The following CLMN variants were observed in gnomAD, a reference collection of about 807,000 sequenced individuals.
CLMN encodes the protein calmin (calponin-like, transmembrane).
Under a neutral mutation model 92.7 loss-of-function variants are expected in CLMN, and 57 were observed. The observed-to-expected ratio is 0.61, with a 90% CI of 0.50 to 0.77. CLMN has a LOEUF of 0.77. Among genes scored for constraint, CLMN ranks in the 30% least tolerant of loss-of-function variants. CLMN has a pLI of 0.00. For missense variants in CLMN, 1,158 were observed against 1,237.5 expected (o/e 0.94, Z 0.96); for synonymous variants, 466 against 470.6 (o/e 0.99, Z 0.13).
chr14:95,290,769 C>A (rs77937174), intron 1 of CLMN, among the ~76,000 whole-genome samples: 1 of 152,176 alleles, frequency 6.6e-6, no homozygotes, highest in African/African-American at 2.4e-5. Context: ...AGGAAACCCA[C>A]GGACCTCCTT....
In CLMN at chr14:95,191,677, C is replaced by T; in HGVS notation, c.2896G>A (p.Asp966Asn). 1 of 1,613,376 alleles carries T rather than the reference C, an allele frequency of 6.2e-7. No homozygotes were observed. Among genetic ancestry groups the T allele is most frequent in the South Asian group, 1.1e-5 (1 of 91,044 alleles). ...MSLGSHSPQS[D>N]SLTQLVQQPD... The stretch of plus-strand genomic sequence containing the variant: ...TGCTGGACAAGCTGTGTCAGGGAGT[C>T]ACTCTGCGGGCTGTGGCTCCCCAGT... The change falls in exon 13 of 13, where the codon GAC becomes AAC. Residue 966 changes from aspartate (D) to asparagine (N), a missense_variant. By Grantham distance (23) the Asp-to-Asn change is conservative (BLOSUM62 1). Coordinates refer to ENST00000298912, the MANE Select transcript of CLMN (RefSeq NM_024734.4). The surrounding 1 kb of genome is among the most constrained non-coding windows in gnomAD (Gnocchi z 5.3).
At chr14:95,246,229 C>T (rs1040184153) in intron 1 of CLMN, among the ~76,000 whole-genome samples, 3 of 152,158 alleles carry the variant, frequency 2.0e-5, no homozygotes, top group African/African-American at 4.8e-5. Flanking sequence ...GTTTCCTGCC[C>T]TAATTACCTC....
At position 95,194,220 on chromosome 14, in the gene CLMN, C is replaced by T; in HGVS notation, c.2770-301G>A. ...CGTGCCACTGTCCATCGGACCTTGA[C>T]TCATGTTGCACCTCTGTCTCTGAAC... On this transcript the variant is annotated intron_variant, in intron 11 of 12. Transcript: ENST00000298912. This position sits in a 1 kb window ranked among gnomAD's most constrained non-coding sequence, Gnocchi z 4.0. 7.2e-7 allele frequency: 1 copy of T among 1,393,322 alleles called. No homozygotes were observed. The highest frequency in any genetic ancestry group is 1.6e-5 in the South Asian group (1 of 61,264). 86.3% of individuals were successfully genotyped at this position (1,393,322 alleles called of 1,614,324 possible).
chr14:95,193,602 G>A (rs935902483), intron 12 of CLMN, among the ~76,000 whole-genome samples: 5 of 152,092 alleles, frequency 3.3e-5, no homozygotes, highest in East Asian at 1.9e-4. Flanking sequence ...ACCCAGACCC[G>A]TCTTTAAACT....
At chr14:95,201,198 T>G (rs1896869341) in intron 9 of CLMN, among the ~76,000 whole-genome samples, 1 of 151,704 alleles carries the variant, frequency 6.6e-6, no homozygotes, top group Non-Finnish European at 1.5e-5. Context: ...TTTTTTGTTT[T>G]TCAACTTTTA....
intron 1 of CLMN, among the ~76,000 whole-genome samples, chr14:95,263,566 G>A (rs1193665091): frequency 6.6e-6 from 1 of 152,118 alleles, no homozygotes; most frequent in Admixed American, 6.5e-5. Context: ...GGAGGCATCT[G>A]CCCACTTCAC....
At chr14:95,195,500 C>T (rs1896683898) in intron 10 of CLMN, among the ~76,000 whole-genome samples, 1 of 152,222 alleles carries the variant, frequency 6.6e-6, no homozygotes, top group African/African-American at 2.4e-5. Flanking sequence ...TCCTCTGGCT[C>T]TGTCTGTATG....
intron 1 of CLMN, among the ~76,000 whole-genome samples, chr14:95,270,045 T>C (rs1403849924): frequency 4.6e-5 from 7 of 152,040 alleles, no homozygotes; most frequent in Admixed American, 4.6e-4. Context: ...AAACAGAACC[T>C]AAGAAGGTAA....
intron 1 of CLMN, among the ~76,000 whole-genome samples, chr14:95,309,538 C>T (rs1485570150): frequency 1.3e-5 from 2 of 152,236 alleles, no homozygotes; most frequent in African/African-American, 4.8e-5. Flanking sequence ...CATGACACAA[C>T]GACACCACCT....
intron 6 of CLMN, among the ~76,000 whole-genome samples, chr14:95,212,319 C>T (rs1476871823): frequency 6.6e-6 from 1 of 152,208 alleles, no homozygotes; most frequent in African/African-American, 2.4e-5. Context: ...AGGATCTCAA[C>T]CAGTCTGTAC....
chr14:95,276,957 T>TTG (rs1555393528), intron 1 of CLMN, among the ~76,000 whole-genome samples: 2 of 151,126 alleles, frequency 1.3e-5, no homozygotes, highest in African/African-American at 4.9e-5. Flanking sequence ...TTTTTTTTTT[T>TTG]GGGTAACATG....
At chr14:95,306,882 C>T (rs976433475) in intron 1 of CLMN, among the ~76,000 whole-genome samples, 9 of 152,112 alleles carry the variant, frequency 5.9e-5, no homozygotes, top group African/African-American at 2.2e-4. Context: ...TCCTCACCTT[C>T]TACAGTAAGA....
chr14:95,220,760 G>A (rs922580329), intron 4 of CLMN, among the ~76,000 whole-genome samples: 48 of 152,182 alleles, frequency 3.2e-4, no homozygotes, highest in African/African-American at 1.1e-3. Context: ...ATCCTGTCCG[G>A]GCCTTTGAAT....
intron 1 of CLMN, among the ~76,000 whole-genome samples, chr14:95,303,287 T>C (rs1901135450): frequency 6.6e-6 from 1 of 152,174 alleles, no homozygotes; most frequent in Non-Finnish European, 1.5e-5. Flanking sequence ...CGGTGTGGCT[T>C]TTCTCTCCCA....
At chr14:95,297,792 G>T in intron 1 of CLMN, among the ~76,000 whole-genome samples, 1 of 145,578 alleles carries the variant, frequency 6.9e-6, no homozygotes, top group Admixed American at 7.0e-5. Flanking sequence ...CCAGTTTTTG[G>T]CTATTATGAA....
intron 1 of CLMN, among the ~76,000 whole-genome samples, chr14:95,263,193 G>A (rs889179043): frequency 7.2e-5 from 11 of 152,206 alleles, no homozygotes; most frequent in African/African-American, 2.7e-4. Flanking sequence ...CAATCATGGT[G>A]GAAGGTGAAG....
chr14:95,199,580 C>T (rs1896819157), intron 9 of CLMN, among the ~76,000 whole-genome samples: 1 of 152,154 alleles, frequency 6.6e-6, no homozygotes, highest in African/African-American at 2.4e-5. Context: ...AGGCACCGTG[C>T]TGGTCTCTAG....
intron 1 of CLMN, among the ~76,000 whole-genome samples, chr14:95,311,792 A>G (rs917513275): frequency 6.6e-6 from 1 of 151,956 alleles, no homozygotes; most frequent in Non-Finnish European, 1.5e-5. Flanking sequence ...TTCATGGGAC[A>G]GATTTTCCTC....
At chr14:95,229,977 G>T in intron 2 of CLMN, 95 bp downstream of exon 2, 2 of 1,174,880 alleles carry the variant, frequency 1.7e-6, no homozygotes, top group South Asian at 1.2e-5. Flanking sequence ...ACAACAGAAA[G>T]AGCACAGGTC....
Sources: allele counts gnomAD v4.1 joint callset (sites outside exome capture counted in the v4.1 genomes callset), GRCh38; gene constraint gnomAD v4.1.1; non-coding constraint Gnocchi (gnomAD v3.1); transcripts MANE v1.5; gene names NCBI Gene and HGNC (gene_info 2026-07-23, HGNC 2026-07-21).